The following PPM1A variants were observed in gnomAD, a reference collection of about 807,000 sequenced individuals.
The protein encoded by PPM1A is protein phosphatase, Mg2+/Mn2+ dependent 1A, also known as protein phosphatase 1A.
A neutral mutation model predicts 35.0 loss-of-function variants in PPM1A; 7 were observed. The observed-to-expected ratio is 0.20, with a 90% CI of 0.11 to 0.38. The LOEUF is 0.38. PPM1A is among the 10% of genes least tolerant of loss of function. The pLI is 1.00. For missense variants in PPM1A, 239 were observed against 467.8 expected, an observed-to-expected ratio of 0.51 and a Z score of 4.51; for synonymous variants, 153 against 167.3, an observed-to-expected ratio of 0.91 and a Z score of 0.66.
upstream of PPM1A, chr14:60,248,789 G>C (rs1243543559): frequency 6.5e-6 from 1 of 152,872 alleles, no homozygotes; most frequent in East Asian, 1.9e-4. Context: ...CTCCGGGCGC[G>C]GACGCCGTAG....
At position 60,296,794 on chromosome 14, in the gene PPM1A, A is replaced by G. The variant is rs887917601; in HGVS notation, c.*4312A>G. 4 of 330,684 alleles carry G rather than the reference A, an allele frequency of 1.2e-5. No homozygotes were observed. The highest frequency in any genetic ancestry group is 1.4e-4 in the South Asian group (1 of 7,112). 20.5% of individuals were successfully genotyped at this position (330,684 alleles called of 1,614,324 possible). ...AAATGTTTGTTATTACTGATAGTCAAAATGCTCAATAGAAATGATGAGAGG... is the reference window on the plus strand; with the variant it reads ...AAATGTTTGTTATTACTGATAGTCAGAATGCTCAATAGAAATGATGAGAGG... On this transcript the variant is annotated 3_prime_UTR_variant, in exon 6 of 6. Coordinates refer to ENST00000395076, the MANE Select transcript of PPM1A (RefSeq NM_021003.5). The surrounding 1 kb of genome is among the most constrained non-coding windows in gnomAD (Gnocchi z 4.4).
At chr14:60,271,569 T>C (rs956064328) in intron 1 of PPM1A, among the ~76,000 whole-genome samples, 10 of 152,184 alleles carry the variant, frequency 6.6e-5, no homozygotes, top group African/African-American at 2.4e-4. Context: ...AGTATATGAA[T>C]TGAATTGGAT....
chr14:60,249,235 C>CGGT lies in PPM1A; in HGVS notation c.-461_-460insTGG. ...GGGGCCGCGCTAGAGGCGGCGGCGG[C>CGGT]GGCGGTGGCGGCGCTAGGGACGGGA... On this transcript the variant is annotated 5_prime_UTR_variant, in exon 1 of 6. Coordinates refer to ENST00000395076, the MANE Select transcript of PPM1A (RefSeq NM_021003.5). The surrounding 1 kb of genome is among the most constrained non-coding windows in gnomAD (Gnocchi z 4.5). The CGGT allele has an allele frequency of 1.0e-6, 1 of 987,386 alleles. No individual in the cohort carries two copies. Among genetic ancestry groups the CGGT allele is most frequent in the Non-Finnish European group, 1.2e-6 (1 of 831,752 alleles). The allele number at this position is 987,386 out of a possible 1,614,324, so 61.2% of individuals were successfully genotyped here.
At position 60,249,249 on chromosome 14, in the gene PPM1A, C is replaced by T. The variant is rs1348297184; in HGVS notation, c.-449C>T. 2.0e-6 allele frequency: 2 copies of T among 985,098 alleles called. No homozygotes were observed. The highest frequency in any genetic ancestry group is 2.4e-6 in the Non-Finnish European group (2 of 831,884). 61.0% of individuals were successfully genotyped at this position (985,098 alleles called of 1,614,324 possible). ...GGCGGCGGCGGCGGCGGTGGCGGCG[C>T]TAGGGACGGGAGCGCGCGCGGGAGC... is the stretch of plus-strand genomic sequence containing the variant. On this transcript the variant is annotated 5_prime_UTR_variant, in exon 1 of 6. Coordinates refer to ENST00000395076, the MANE Select transcript of PPM1A (RefSeq NM_021003.5). The surrounding 1 kb of genome is among the most constrained non-coding windows in gnomAD (Gnocchi z 4.5).
Position 60,259,453 on chromosome 14 carries a change from A to G in PPM1A, c.-21+9776A>G, listed in dbSNP as rs148069304. Among the ~76,000 whole-genome samples, 4 of 152,180 alleles carry G rather than the reference A, an allele frequency of 2.6e-5. No homozygotes were observed. In the East Asian group the frequency reaches 7.7e-4, roughly 29 times the overall value. Reference sequence around the variant, plus strand: ...TTTTAAGGAAGAGAAAAAAGGATGGATTGGATCAGGAAGTCAGTTATTGTT... The same window carrying G: ...TTTTAAGGAAGAGAAAAAAGGATGGGTTGGATCAGGAAGTCAGTTATTGTT... On this transcript the variant is annotated intron_variant, in intron 1 of 5. Coordinates refer to ENST00000395076, the MANE Select transcript of PPM1A (RefSeq NM_021003.5).
In PPM1A at chr14:60,249,326, G is replaced by C; in HGVS notation, c.-372G>C. The C allele has an allele frequency of 2.0e-6, 2 of 982,840 alleles. No individual in the cohort carries two copies. The highest frequency in any genetic ancestry group is 2.4e-6 in the Non-Finnish European group (2 of 828,892). 60.9% of individuals were successfully genotyped at this position (982,840 alleles called of 1,614,324 possible). ...CCGGCCCGCAGCTTCGGGTCCTCAG[G>C]CGGCTGTTGCTCCGGAACGGGTGGT... On this transcript the variant is annotated 5_prime_UTR_variant, in exon 1 of 6. Coordinates refer to ENST00000395076, the MANE Select transcript of PPM1A (RefSeq NM_021003.5). This position sits in a 1 kb window ranked among gnomAD's most constrained non-coding sequence, Gnocchi z 4.5.
At position 60,298,108 on chromosome 14, in the gene PPM1A, A is replaced by G. The variant is rs1888200953; in HGVS notation, c.*5626A>G. On this transcript the variant is annotated 3_prime_UTR_variant, in exon 6 of 6. Transcript: ENST00000395076. ...GTGGGGAAAGTGATTAAAAGGTGAA[A>G]AAAAAACATAGTATTCAGAAGTTTT... The G allele has an allele frequency of 6.6e-6, 1 of 151,704 alleles. No homozygotes were observed. The highest frequency in any genetic ancestry group is 6.6e-5 in the Admixed American group (1 of 15,210). 9.4% of individuals were successfully genotyped at this position (151,704 alleles called of 1,614,324 possible).
At chr14:60,291,061 C>G (rs1887580410) in intron 4 of PPM1A, among the ~76,000 whole-genome samples, 1 of 152,176 alleles carries the variant, frequency 6.6e-6, no homozygotes, top group South Asian at 2.1e-4. Flanking sequence ...AGTATTATAT[C>G]TTAAGAATGG....
At chr14:60,257,247 A>T (rs1595272297) in intron 1 of PPM1A, among the ~76,000 whole-genome samples, 2 of 152,322 alleles carry the variant, frequency 1.3e-5, no homozygotes, top group South Asian at 4.1e-4. Context: ...CTTAAACACA[A>T]GCTAGCTGAG....
rs1341272451 is a variant in PPM1A at position 60,249,775 on chromosome 14, G to T, written c.-21+98G>T. 1.5e-5 allele frequency: 12 copies of T among 774,956 alleles called. No individual in the cohort carries two copies. Among genetic ancestry groups the T allele is most frequent in the Non-Finnish European group, 1.9e-5 (12 of 637,926 alleles). The allele number at this position is 774,956 out of a possible 1,614,324, so 48.0% of individuals were successfully genotyped here. ...CCTGGGGCCTGTAAACAAGCCGGGC[G>T]TCTGCCCGGGCGCTCCCGGGAGGAG... On this transcript the variant is annotated intron_variant, in intron 1 of 5. Coordinates refer to ENST00000395076, the MANE Select transcript of PPM1A (RefSeq NM_021003.5). The surrounding 1 kb of genome is among the most constrained non-coding windows in gnomAD (Gnocchi z 4.5).
rs1887390795 is a variant in PPM1A at position 60,289,425 on chromosome 14, GTA to G, written c.953-379_953-378del. On this transcript the variant is annotated intron_variant, in intron 3 of 5. Coordinates refer to ENST00000395076, the MANE Select transcript of PPM1A (RefSeq NM_021003.5). The surrounding 1 kb of genome is among the most constrained non-coding windows in gnomAD (Gnocchi z 4.1). ...TTTATTTTTTAAAATTCCACGCAGT[GTA>G]TTATATAGGGCAAAGTTCAGGAAAC... Among the ~76,000 whole-genome samples, 1 of 152,012 alleles carries G rather than the reference GTA, an allele frequency of 6.6e-6. No individual in the cohort carries two copies. Among genetic ancestry groups the G allele is most frequent in the Non-Finnish European group, 1.5e-5 (1 of 67,984 alleles).
upstream of PPM1A, chr14:60,246,137 AG>A: frequency 7.9e-7 from 1 of 1,265,060 alleles, no homozygotes; most frequent in Non-Finnish European, 1.1e-6. Context: ...AAGGATGGTG[AG>A]GGGTATTCTC....
Position 60,298,645 on chromosome 14 carries a change from T to G in PPM1A, c.*6163T>G, listed in dbSNP as rs1176196800. ...TGTAGTGATATGCCCCAATAGTGAT[T>G]GATTTCACTCTTGAAATGAGTTATA... is the stretch of plus-strand genomic sequence containing the variant. On this transcript the variant is annotated 3_prime_UTR_variant, in exon 6 of 6. Coordinates refer to ENST00000395076, the MANE Select transcript of PPM1A (RefSeq NM_021003.5). 1 of 151,848 alleles carries G rather than the reference T, an allele frequency of 6.6e-6. No individual in the cohort carries two copies. The highest frequency in any genetic ancestry group is 1.9e-4 in the East Asian group (1 of 5,194). 9.4% of individuals were successfully genotyped at this position (151,848 alleles called of 1,614,324 possible).
intron 1 of PPM1A, among the ~76,000 whole-genome samples, chr14:60,264,325 A>T (rs900861122): frequency 6.7e-6 from 1 of 149,682 alleles, no homozygotes; most frequent in African/African-American, 2.5e-5. Flanking sequence ...TCTGTATGTA[A>T]TTTTTTTTTT....
intron 3 of PPM1A, chr14:60,287,555 C>T (rs1480608433): frequency 3.0e-6 from 3 of 985,200 alleles, no homozygotes; most frequent in Non-Finnish European, 3.6e-6. Context: ...ATGCCTTTTT[C>T]TTTTCTCTCT....
At chr14:60,260,546 G>A (rs1016244186) in intron 1 of PPM1A, among the ~76,000 whole-genome samples, 1 of 151,884 alleles carries the variant, frequency 6.6e-6, no homozygotes, top group Non-Finnish European at 1.5e-5. Flanking sequence ...AATTCACATA[G>A]CGTAACATTC....
chr14:60,262,032 T>C (rs1362565141), intron 1 of PPM1A, among the ~76,000 whole-genome samples: 3 of 152,202 alleles, frequency 2.0e-5, no homozygotes, highest in Admixed American at 1.3e-4. Flanking sequence ...CAATATCTTA[T>C]ACTTAATTTT....
chr14:60,272,042 AT>A (rs562962307), intron 1 of PPM1A, among the ~76,000 whole-genome samples: 3,364 of 136,598 alleles, frequency 0.025, 82 homozygotes, highest in African/African-American at 0.071. Flanking sequence ...AGGTATTTCC[AT>A]TTTTTTTTTT....
At chr14:60,280,005 T>C (rs1434324177) in intron 1 of PPM1A, among the ~76,000 whole-genome samples, 1 of 152,208 alleles carries the variant, frequency 6.6e-6, no homozygotes, top group Non-Finnish European at 1.5e-5. Flanking sequence ...TGCCTTCTTA[T>C]ATACTTTTTT....
Sources: allele counts gnomAD v4.1 joint callset (sites outside exome capture counted in the v4.1 genomes callset), GRCh38; gene constraint gnomAD v4.1.1; non-coding constraint Gnocchi (gnomAD v3.1); transcripts MANE v1.5; gene names NCBI Gene and HGNC (gene_info 2026-07-23, HGNC 2026-07-21).